Variants in PPFIA1 observed in about 807,000 individuals in gnomAD.
PPFIA1 encodes PPFI scaffold protein A1.
A neutral mutation model predicts 149.9 loss-of-function variants in PPFIA1; 25 were observed. The observed-to-expected ratio is 0.17, with a 90% CI of 0.12 to 0.23. The LOEUF (loss-of-function observed/expected upper bound fraction) is 0.23, where lower values mean the gene tolerates loss of function less well. PPFIA1 is among the 10% of genes least tolerant of loss of function. PPFIA1 has a pLI of 1.00. For synonymous variants in PPFIA1, 549 were observed against 552.8 expected (o/e 0.99, Z 0.10); for missense variants, 1,362 against 1,506.5 (o/e 0.90, Z 1.59).
At chr11:70,338,579 A>G (rs2055120332) in intron 13 of PPFIA1, 126 bp downstream of exon 13, 1 of 696,016 alleles carries the variant, frequency 1.4e-6, no homozygotes, top group South Asian at 1.9e-5. Flanking sequence ...CTTAGTAGGA[A>G]GCGAGAGAGA....
intron 1 of PPFIA1, chr11:70,271,228 C>G (rs557584104): frequency 9.8e-5 from 15 of 152,368 alleles, no homozygotes; most frequent in African/African-American, 3.6e-4. Flanking sequence ...TGTCAACGGT[C>G]CTCACCCCCC....
chr11:70,349,101 G>A (rs1050539284), intron 16 of PPFIA1, among the ~76,000 whole-genome samples: 11 of 148,164 alleles, frequency 7.4e-5, no homozygotes, highest in African/African-American at 2.5e-4. Context: ...CTTTCCTTTC[G>A]GAGTGCCCAA....
chr11:70,282,100 C>T (rs1211675539), intron 2 of PPFIA1, among the ~76,000 whole-genome samples: 1 of 152,074 alleles, frequency 6.6e-6, no homozygotes, highest in Non-Finnish European at 1.5e-5. Flanking sequence ...CCCCCATTTG[C>T]CCCTGCCCAG....
At chr11:70,295,293 A>T (rs1205258365) in intron 2 of PPFIA1, among the ~76,000 whole-genome samples, 1 of 74,198 alleles carries the variant, frequency 1.3e-5, no homozygotes, top group African/African-American at 6.9e-5. Flanking sequence ...TGACCCCCCC[A>T]CCTCCCTCCC....
chr11:70,351,865 A>G (rs1591311516), intron 16 of PPFIA1, among the ~76,000 whole-genome samples: 1 of 152,328 alleles, frequency 6.6e-6, no homozygotes, highest in African/African-American at 2.4e-5. Flanking sequence ...CCTCCCTGGC[A>G]GCGTTCCTAC....
At chr11:70,333,625 C>A in intron 10 of PPFIA1, 72 bp downstream of exon 10, 1 of 1,183,428 alleles carries the variant, frequency 8.5e-7, no homozygotes, top group Non-Finnish European at 1.2e-6. Context: ...GTGGGGAGCT[C>A]AGGGCCTCCC....
intron 2 of PPFIA1, chr11:70,320,188 A>G (rs2053853643): frequency 6.6e-6 from 1 of 152,286 alleles, no homozygotes; most frequent in Non-Finnish European, 1.5e-5. Context: ...TCCAAACACA[A>G]CAGTGAAAAG....
intron 10 of PPFIA1, among the ~76,000 whole-genome samples, chr11:70,333,790 C>G (rs1371129904): frequency 2.0e-5 from 3 of 152,158 alleles, no homozygotes; most frequent in African/African-American, 4.8e-5. Context: ...AGATCCTAGG[C>G]AGTACTTCAG....
chr11:70,300,325 T>C (rs1016819736), intron 2 of PPFIA1, among the ~76,000 whole-genome samples: 1 of 152,178 alleles, frequency 6.6e-6, no homozygotes, highest in African/African-American at 2.4e-5. Flanking sequence ...GGGCTGATTT[T>C]ACTATTTATT....
chr11:70,322,978 C>T (rs1161274173), intron 2 of PPFIA1, among the ~76,000 whole-genome samples: 1 of 152,194 alleles, frequency 6.6e-6, no homozygotes, highest in Admixed American at 6.5e-5. Flanking sequence ...CAGCAGTGCC[C>T]TGGGATAATT....
In PPFIA1 at chr11:70,325,551, G is replaced by A; in HGVS notation, c.583G>A (p.Glu195Lys). The A allele has an allele frequency of 1.3e-6, 2 of 1,587,578 alleles. No individual in the cohort carries two copies. Among genetic ancestry groups the A allele is most frequent in the Non-Finnish European group, 1.7e-6 (2 of 1,156,306 alleles). Residue 195 changes from glutamate (E) to lysine (K), a missense_variant, in exon 5 of 28, where the codon GAA becomes AAA. Physicochemically the swap from Glu to Lys is moderately conservative, Grantham distance 56. This residue lies in a region of PPFIA1 where 79 missense variants were observed against 146.2 expected (regional missense o/e 0.54). Transcript: ENST00000253925. ...TGAAAGATGTAGTTTGTTAGAAGAG[G>A]AATTAGGTGCCACACACAAAGAGGT... The part of the protein sequence containing the change: ...ALERCSLLEE[E>K]LGATHKELMI...
intron 27 of PPFIA1, among the ~76,000 whole-genome samples, chr11:70,382,391 C>G (rs2057745987): frequency 6.6e-6 from 1 of 151,928 alleles, no homozygotes; most frequent in Non-Finnish European, 1.5e-5. Context: ...GTATTTTCAC[C>G]TTTTCCTTAA....
At chr11:70,319,205 C>T (rs557726192) in intron 2 of PPFIA1, among the ~76,000 whole-genome samples, 25 of 152,340 alleles carry the variant, frequency 1.6e-4, no homozygotes, top group East Asian at 5.8e-4. Context: ...TCTTTCTCTG[C>T]GATCTTTGAC....
chr11:70,296,461 C>T lies in PPFIA1; in HGVS notation c.264+24025C>T, dbSNP rs61887402. ...TCTGGAGGCCGAGGCTGGCGGACCA[C>T]TCGCGGTTAGGAGCTGGAGGCCAGC... is the stretch of plus-strand genomic sequence containing the variant. On this transcript the variant is annotated intron_variant, in intron 2 of 27. Transcript: ENST00000253925. Among the ~76,000 whole-genome samples the T allele has an allele frequency of 7.3e-3, 1,119 of 152,304 alleles. 6 individuals are homozygous for T. Among genetic ancestry groups the T allele is most frequent in the Non-Finnish European group, 0.011 (768 of 68,040 alleles).
chr11:70,348,813 G>A (rs1036430338), intron 16 of PPFIA1, among the ~76,000 whole-genome samples: 9 of 152,146 alleles, frequency 5.9e-5, no homozygotes, highest in African/African-American at 2.2e-4. Flanking sequence ...CGAGGCTACA[G>A]TGAGCCATGA....
At chr11:70,288,967 G>GTT (rs34756873) in intron 2 of PPFIA1, among the ~76,000 whole-genome samples, 24,710 of 123,856 alleles carry the variant, frequency 0.2, 2,689 homozygotes, top group South Asian at 0.25. Flanking sequence ...GCATCTGGTT[G>GTT]TTTTTTTTTT....
chr11:70,295,730 A>G (rs1474585784), intron 2 of PPFIA1, among the ~76,000 whole-genome samples: 33 of 112,668 alleles, frequency 2.9e-4, no homozygotes, highest in East Asian at 9.9e-4. Context: ...CTGGCCGGGC[A>G]GGGGGCTGAC....
At position 70,372,341 on chromosome 11, in the gene PPFIA1, A is replaced by C. The variant is rs1315493672; in HGVS notation, c.2992A>C (p.Thr998Pro). The C allele has an allele frequency of 5.6e-6, 9 of 1,614,098 alleles. No individual in the cohort carries two copies. Among genetic ancestry groups the C allele is most frequent in the Non-Finnish European group, 7.6e-6 (9 of 1,180,062 alleles). The change falls in exon 22 of 28, where the codon ACC (threonine) becomes CCC (proline). Residue 998 changes from threonine to proline, a missense_variant. By Grantham distance (38) the Thr-to-Pro change is conservative. Around this residue, in one of 7 missense-constraint regions of PPFIA1, gnomAD observed 349 missense variants for 373.3 expected, o/e 0.93. Transcript: ENST00000253925. ...LVDARMLDHL[T>P]KKDLRGQLKM... ...AGACGCCAGGATGCTGGACCACTTGACCAAGAAAGACCTTCGAGGGCAGCT... is the reference window on the plus strand; with the variant it reads ...AGACGCCAGGATGCTGGACCACTTGCCCAAGAAAGACCTTCGAGGGCAGCT...
Position 70,291,272 on chromosome 11 carries a change from A to G in PPFIA1, c.264+18836A>G, listed in dbSNP as rs566191196. Among the ~76,000 whole-genome samples, 32 of 152,362 alleles carry G rather than the reference A, an allele frequency of 2.1e-4. 1 individual carries two copies. Among genetic ancestry groups the G allele is most frequent in the African/African-American group, 7.7e-4 (32 of 41,594 alleles). ...AATTTGTGGGGGAAACATGAATGACAGCCGAGGTCATGGTATCCTACATAC... is the reference window on the plus strand; with the variant it reads ...AATTTGTGGGGGAAACATGAATGACGGCCGAGGTCATGGTATCCTACATAC... On this transcript the variant is annotated intron_variant, in intron 2 of 27. Coordinates refer to ENST00000253925, the MANE Select transcript of PPFIA1 (RefSeq NM_003626.5).
Sources: allele counts gnomAD v4.1 joint callset (sites outside exome capture counted in the v4.1 genomes callset), GRCh38; gene constraint gnomAD v4.1.1; regional missense constraint gnomAD v4.1.1; transcripts MANE v1.5; gene names NCBI Gene and HGNC (gene_info 2026-07-23, HGNC 2026-07-21).